The following CSNK1E variants were observed in gnomAD, a reference collection of about 807,000 sequenced individuals.
The protein encoded by CSNK1E is casein kinase I isoform epsilon.
In CSNK1E, 17 loss-of-function variants were observed where a neutral mutation model predicts 46.1. The observed-to-expected ratio is 0.37, with a 90% CI of 0.25 to 0.55. The LOEUF (loss-of-function observed/expected upper bound fraction) is 0.55. CSNK1E is among the 20% of genes least tolerant of loss of function. The pLI is 0.82. For synonymous variants in CSNK1E, 241 were observed against 242.6 expected (o/e 0.99, Z 0.06); for missense variants, 386 against 595.4 (o/e 0.65, Z 3.66).
At chr22:38,306,471 G>C (rs1247376290) in intron 2 of CSNK1E, among the ~76,000 whole-genome samples, 1 of 152,172 alleles carries the variant, frequency 6.6e-6, no homozygotes, top group South Asian at 2.1e-4. Flanking sequence ...GGTGGCTCAC[G>C]CCTGTAATCC....
chr22:38,314,017 GT>G, intron 2 of CSNK1E, 64 bp downstream of exon 2: 1 of 1,417,696 alleles, frequency 7.1e-7, no homozygotes, highest in East Asian at 2.3e-5. Flanking sequence ...AAATCCTGGG[GT>G]CTTTCCTCCT....
intron 7 of CSNK1E, chr22:38,296,472 G>C: frequency 1.3e-6 from 2 of 1,547,650 alleles, no homozygotes; most frequent in Non-Finnish European, 8.7e-7. Context: ...TGGCCTCAGG[G>C]TGAAGGTTCC....
intron 4 of CSNK1E, among the ~76,000 whole-genome samples, chr22:38,302,415 C>T (rs183482428): frequency 2.6e-4 from 39 of 152,334 alleles, no homozygotes; most frequent in Non-Finnish European, 4.0e-4. Context: ...GGCCCTGACT[C>T]GGCAGGTCTG....
intron 7 of CSNK1E, among the ~76,000 whole-genome samples, chr22:38,295,225 T>C (rs1429632307): frequency 1.3e-5 from 2 of 152,040 alleles, no homozygotes; most frequent in Non-Finnish European, 2.9e-5. Context: ...GGGGCCACGT[T>C]CCCCACGGAG....
rs1272285906 is a variant in CSNK1E at position 38,298,355 on chromosome 22, A to G, written c.885+431T>C. 2.2e-5 allele frequency among the ~76,000 whole-genome samples: 3 copies of G among 136,556 alleles called. No homozygotes were observed. In the East Asian group the frequency reaches 7.9e-4, roughly 36 times the overall value. 89.6% of individuals were successfully genotyped at this position (136,556 alleles called of 152,430 possible). On this transcript the variant is annotated intron_variant, in intron 7 of 10. Transcript: ENST00000396832. The surrounding 1 kb of genome is among the most constrained non-coding windows in gnomAD (Gnocchi z 4.2). ...ACTGCCTAGCCAGACCCAGGGGCCC[A>G]TGACCAAGAAGAAAGCAAGCACCAT...
intron 2 of CSNK1E, among the ~76,000 whole-genome samples, chr22:38,313,806 C>G (rs1371433598): frequency 6.6e-6 from 1 of 152,208 alleles, no homozygotes; most frequent in Non-Finnish European, 1.5e-5. Context: ...GCTGGTGACC[C>G]AGCTGACCCG....
At chr22:38,299,597 C>T (rs190341166) in intron 6 of CSNK1E, among the ~76,000 whole-genome samples, 38 of 152,372 alleles carry the variant, frequency 2.5e-4, no homozygotes, top group African/African-American at 7.0e-4. Context: ...AATCTCGGCT[C>T]ACTGCAACCT....
chr22:38,297,294 G>A (rs2092646056), intron 7 of CSNK1E: 2 of 618,610 alleles, frequency 3.2e-6, no homozygotes, highest in South Asian at 3.7e-5. Context: ...CTGGTCCCAG[G>A]TGCTCAAGGC....
intron 4 of CSNK1E, 89 bp from the exon 5 acceptor site, chr22:38,301,041 G>A: frequency 9.0e-7 from 1 of 1,113,348 alleles, no homozygotes; most frequent in South Asian, 1.4e-5. Flanking sequence ...GAGGTGGAAA[G>A]GCAGAGGGAG....
intron 1 of CSNK1E, among the ~76,000 whole-genome samples, chr22:38,315,010 G>A (rs916628718): frequency 1.3e-5 from 2 of 152,218 alleles, no homozygotes; most frequent in African/African-American, 4.8e-5. Flanking sequence ...ACCAGGGACT[G>A]CAGTAAACAG....
At chr22:38,296,406 G>A (rs371660976) in intron 7 of CSNK1E, 24 of 1,417,700 alleles carry the variant, frequency 1.7e-5, no homozygotes, top group Middle Eastern at 5.2e-4. Context: ...CCAGCACCCC[G>A]GTGCAGCCAA....
Position 38,298,785 on chromosome 22 carries a change from C to T in CSNK1E, c.885+1G>A, listed in dbSNP as rs1569077009. On this transcript the variant is annotated splice_donor_variant, in intron 7 of 10. Coordinates refer to ENST00000396832, the MANE Select transcript of CSNK1E (RefSeq NM_152221.3). LOFTEE classifies it high-confidence loss of function. This position sits in a 1 kb window ranked among gnomAD's most constrained non-coding sequence, Gnocchi z 4.2. ...CCCGCCTTGGCCTCCAGGTGACTCA[C>T]GAATTTCAGCATGTTCCAGTCAAAG... The T allele has an allele frequency of 6.2e-7, 1 of 1,614,042 alleles. No homozygotes were observed. The highest frequency in any genetic ancestry group is 8.5e-7 in the Non-Finnish European group (1 of 1,179,988).
At position 38,303,029 on chromosome 22, in the gene CSNK1E, C is replaced by A. The variant is rs201914168; in HGVS notation, c.188-20G>T. The A allele has an allele frequency of 2.2e-4, 348 of 1,588,922 alleles. No homozygotes were observed. Among genetic ancestry groups the A allele is most frequent in the Middle Eastern group, 1.7e-4 (1 of 6,034 alleles). ...TCCCCACTGGGGGTCAAGCAGAGGG[C>A]CTCTGTCAGGGGTCAGAGGCAGGCA... On this transcript the variant is annotated intron_variant, in intron 3 of 10. Transcript: ENST00000396832. This position sits in a 1 kb window ranked among gnomAD's most constrained non-coding sequence, Gnocchi z 4.7.
chr22:38,305,751 T>C (rs2092695882), intron 2 of CSNK1E, among the ~76,000 whole-genome samples: 1 of 152,032 alleles, frequency 6.6e-6, no homozygotes, highest in Non-Finnish European at 1.5e-5. Context: ...CACCTAGGAT[T>C]GTCAAAAGTC....
chr22:38,299,983 G>C lies in CSNK1E; in HGVS notation c.648C>G (p.Leu216=). 1 of 1,614,162 alleles carries C rather than the reference G, an allele frequency of 6.2e-7. No homozygotes were observed. Among genetic ancestry groups the C allele is most frequent in the Non-Finnish European group, 8.5e-7 (1 of 1,180,028 alleles). ...FNLGSLPWQG[L]KAATKRQKYE... is the part of the protein sequence containing the mutation. ...ACTTCTGGCGCTTGGTGGCTGCTTT[G>C]AGCCCCTGCCAGGGCAGGGAGCCCA... Residue 216 remains leucine, a synonymous_variant, in exon 6 of 11, where the codon CTC becomes CTG. Transcript: ENST00000396832.
chr22:38,297,725 T>TCC, intron 7 of CSNK1E: 11 of 995,242 alleles, frequency 1.1e-5, no homozygotes, highest in Non-Finnish European at 1.3e-5. Context: ...CCACCATCCC[T>TCC]CCCTCAGGCT....
intron 2 of CSNK1E, among the ~76,000 whole-genome samples, chr22:38,310,482 C>T (rs1330346711): frequency 6.6e-6 from 1 of 152,206 alleles, no homozygotes; most frequent in Admixed American, 6.5e-5. Flanking sequence ...GCAGCAGCGG[C>T]GGCAACCTCA....
rs1326004906 is a variant in CSNK1E, at chr22:38,299,956, A to G, written c.675T>C (p.Tyr225=). 1.2e-6 allele frequency: 2 copies of G among 1,614,152 alleles called. No homozygotes were observed. The highest frequency in any genetic ancestry group is 1.3e-5 in the African/African-American group (1 of 75,056). ...GLKAATKRQK[Y]ERISEKKMST... is the part of the protein sequence containing the mutation. The stretch of plus-strand genomic sequence containing the variant: ...ACATCTTCTTCTCGCTGATCCGTTC[A>G]TACTTCTGGCGCTTGGTGGCTGCTT... The change falls in exon 6 of 11, where the codon TAT becomes TAC. Residue 225 remains tyrosine (Y), a synonymous_variant. Coordinates refer to ENST00000396832, the MANE Select transcript of CSNK1E (RefSeq NM_152221.3).
chr22:38,309,016 T>G lies in CSNK1E; in HGVS notation c.76+5066A>C, dbSNP rs73409259. 0.032 allele frequency among the ~76,000 whole-genome samples: 4,841 copies of G among 152,296 alleles called. 232 individuals carry two copies. The highest frequency in any genetic ancestry group is 0.11 in the African/African-American group (4,392 of 41,546). On this transcript the variant is annotated intron_variant, in intron 2 of 10. Coordinates refer to ENST00000396832, the MANE Select transcript of CSNK1E (RefSeq NM_152221.3). The surrounding 1 kb of genome is among the most constrained non-coding windows in gnomAD (Gnocchi z 4.8). ...CTCTCAACCGTGGCACTACTGACAC[T>G]GGAGCTGGAGAATTCCTGGTTGTGG... is the stretch of plus-strand genomic sequence containing the variant.
Sources: allele counts gnomAD v4.1 joint callset (sites outside exome capture counted in the v4.1 genomes callset), GRCh38; gene constraint gnomAD v4.1.1; non-coding constraint Gnocchi (gnomAD v3.1); transcripts MANE v1.5; gene names NCBI Gene and HGNC (gene_info 2026-07-23, HGNC 2026-07-21).